The following ABCA2 variants were observed in gnomAD, a reference collection of about 807,000 sequenced individuals.
The protein encoded by ABCA2 is ATP binding cassette subfamily A member 2, also known as ATP-binding cassette sub-family A member 2.
Under a neutral mutation model 262.8 loss-of-function variants are expected in ABCA2, and 84 were observed. That is an observed-to-expected ratio of 0.32 (90% CI 0.27 to 0.38). The LOEUF is 0.38. ABCA2 is among the 10% of genes least tolerant of loss of function. ABCA2 has a pLI of 1.00. For missense variants in ABCA2, 2,662 were observed against 3,405.9 expected (o/e 0.78, Z 5.44); for synonymous variants, 1,696 against 1,502.9 (o/e 1.13, Z -2.97).
rs1415548460 is a variant in ABCA2 at position 137,024,177 on chromosome 9, C to T, written c.126G>A (p.Leu42=). The change falls in exon 2 of 49, where the codon CTG becomes CTA. Residue 42 remains leucine (L), a synonymous_variant. Transcript: ENST00000341511. The part of the protein sequence containing the change: ...PLVLFFILLG[L]RQKKPTISVK... ...CGGAGATGGTGGGCTTCTTCTGTCGCAGCCCCAGCAGGATAAAGAACAGCA... is the reference window on the plus strand; with the variant it reads ...CGGAGATGGTGGGCTTCTTCTGTCGTAGCCCCAGCAGGATAAAGAACAGCA... 3 of 1,611,986 alleles carry T rather than the reference C, an allele frequency of 1.9e-6. No individual in the cohort carries two copies. The highest frequency in any genetic ancestry group is 4.5e-5 in the East Asian group (2 of 44,870).
In ABCA2 at chr9:137,024,290, C is replaced by T. The variant is rs879059165; in HGVS notation, c.67-54G>A. 136 of 1,457,992 alleles carry T rather than the reference C, an allele frequency of 9.3e-5. 1 individual carries two copies. The South Asian group carries it at 1.0e-3, about 11-fold the overall frequency. The allele number at this position is 1,457,992 out of a possible 1,614,324, so 90.3% of individuals were successfully genotyped here. ...GGACAGACCTGTGCTCGCCTAGGCC[C>T]TCCCCAGCCTCCCATAGGGCTGGCC... On this transcript the variant is annotated intron_variant, in intron 1 of 48. Transcript: ENST00000341511.
intron 14 of ABCA2, 32 bp from the exon 15 acceptor site, chr9:137,018,107 C>A: frequency 6.2e-7 from 1 of 1,610,036 alleles, no homozygotes; most frequent in Non-Finnish European, 8.5e-7. Flanking sequence ...AGGTGCCGGG[C>A]AGGCCCTCTC....
chr9:137,008,900 G>GCCC (rs59031144), intron 46 of ABCA2, 32 bp from the exon 47 acceptor site: 12 of 1,556,376 alleles, frequency 7.7e-6, no homozygotes, highest in African/African-American at 4.2e-5. Flanking sequence ...GCCTGGCAGC[G>GCCC]CCCCCCCACC....
chr9:137,012,528 G>A lies in ABCA2; in HGVS notation c.5144C>T (p.Ala1715Val). 3 of 1,611,970 alleles carry A rather than the reference G, an allele frequency of 1.9e-6. No homozygotes were observed. Among genetic ancestry groups the A allele is most frequent in the Non-Finnish European group, 8.5e-7 (1 of 1,179,886 alleles). Residue 1715 changes from alanine (A) to valine (V), a missense_variant, in exon 32 of 49, where the codon GCC (alanine) becomes GTC (valine). Around this residue, in one of 12 missense-constraint regions of ABCA2, gnomAD observed 602 missense variants for 897.4 expected, o/e 0.67. Coordinates refer to ENST00000341511, the MANE Select transcript of ABCA2 (RefSeq NM_001606.5). ...CGCGATCTTCCGCACCATGGGTGGG[G>A]CCCTGGTGCCAAATGAGGCTGGGAT... The part of the protein sequence containing the change: ...KSIPASFGTR[A>V]PPMVRKIAVR...
At position 137,020,955 on chromosome 9, in the gene ABCA2, T is replaced by C. The variant is rs1831432726; in HGVS notation, c.1004A>G (p.Gln335Arg). The change falls in exon 9 of 49, where the codon CAG becomes CGG. Residue 335 changes from glutamine to arginine, a missense_variant. By Grantham distance (43) the Gln-to-Arg change is conservative (BLOSUM62 1). Coordinates refer to ENST00000341511, the MANE Select transcript of ABCA2 (RefSeq NM_001606.5). ...CAGGGCCGACAGGACATCCACATCC[T>C]GCAGAACCTTCTGGGCATCCAGCAG... Reference protein sequence around the residue: ...GDLLDAQKVLQDVDVLSALAL... With the variant: ...GDLLDAQKVLRDVDVLSALAL... 2 of 1,561,868 alleles carry C rather than the reference T, an allele frequency of 1.3e-6. No individual in the cohort carries two copies. The highest frequency in any genetic ancestry group is 2.7e-5 in the African/African-American group (2 of 74,182).
intron 9 of ABCA2, 50 bp from the exon 10 acceptor site, chr9:137,020,545 C>T (rs767508103): frequency 1.1e-5 from 17 of 1,547,622 alleles, no homozygotes; most frequent in African/African-American, 6.8e-5. Context: ...GGCAGGGCCG[C>T]GAGAGTGGGA....
In ABCA2 at chr9:137,020,983, C is replaced by T. The variant is rs1461965393; in HGVS notation, c.976G>A (p.Asp326Asn). The T allele has an allele frequency of 5.9e-6, 9 of 1,529,450 alleles. No individual in the cohort carries two copies. The highest frequency in any genetic ancestry group is 7.0e-6 in the Non-Finnish European group (8 of 1,137,324). 94.7% of individuals were successfully genotyped at this position (1,529,450 alleles called of 1,614,324 possible). Reference protein sequence around the residue: ...PPRRLQALLGDLLDAQKVLQD... With the variant: ...PPRRLQALLGNLLDAQKVLQD... ...AGAACCTTCTGGGCATCCAGCAGGT[C>T]CCCCAGAAGCGCCTGCAGCCTCCGT... is the stretch of plus-strand genomic sequence containing the variant. The change falls in exon 9 of 49, where the codon GAC (aspartate) becomes AAC (asparagine). Residue 326 changes from aspartate to asparagine, a missense_variant. Asp to Asn is a conservative substitution (Grantham distance 23). Around this residue, in one of 12 missense-constraint regions of ABCA2, gnomAD observed 403 missense variants for 375.9 expected, o/e 1.07. Coordinates refer to ENST00000341511, the MANE Select transcript of ABCA2 (RefSeq NM_001606.5).
At position 137,008,847 on chromosome 9, in the gene ABCA2, GCAC is replaced by G. The variant is rs750062304; in HGVS notation, c.6949_6951del (p.Val2317del). The G allele has an allele frequency of 1.2e-6, 2 of 1,604,966 alleles. No homozygotes were observed. ...ATGTGCTCCGACTTGAGCTGGTACTGCACCTTTGTGTGGTGCCGCTCCTGCAGG... is the reference window on the plus strand; with the variant it reads ...ATGTGCTCCGACTTGAGCTGGTACTGCTTTGTGTGGTGCCGCTCCTGCAGG... On this transcript the variant is annotated inframe_deletion, in exon 47 of 49. Coordinates refer to ENST00000341511, the MANE Select transcript of ABCA2 (RefSeq NM_001606.5).
intron 2 of ABCA2, 130 bp from the exon 3 acceptor site, chr9:137,023,970 C>A (rs1422737934): frequency 2.6e-6 from 4 of 1,532,246 alleles, no homozygotes; most frequent in African/African-American, 1.4e-5. Context: ...ACAGGCCAGC[C>A]CCGACCTCCA....
At chr9:137,008,900 G>GCCCCCCCCCCCCCCGATCGC in intron 46 of ABCA2, 32 bp from the exon 47 acceptor site, 1 of 1,555,278 alleles carries the variant, frequency 6.4e-7, no homozygotes, top group Non-Finnish European at 8.7e-7. Flanking sequence ...GCCTGGCAGC[G>GCCCCCCCCCCCCCCGATCGC]CCCCCCCACC....
At chr9:137,024,293 C>T in intron 1 of ABCA2, 57 bp from the exon 2 acceptor site, 1 of 1,453,188 alleles carries the variant, frequency 6.9e-7, no homozygotes, top group Non-Finnish European at 9.3e-7. Context: ...CTAGGCCCTC[C>T]CCAGCCTCCC....
chr9:137,016,362 C>T lies in ABCA2; in HGVS notation c.3033G>A (p.Leu1011=), dbSNP rs751950962. The T allele has an allele frequency of 3.7e-6, 6 of 1,612,948 alleles. No homozygotes were observed. Among genetic ancestry groups the T allele is most frequent in the Non-Finnish European group, 5.1e-6 (6 of 1,180,002 alleles). ...CCTGGTTCTCGTAGAGGTTCAGGCT[C>T]AGCTTGTTCAGGGCCAGCTTCTTGT... is the stretch of plus-strand genomic sequence containing the variant. The part of the protein sequence containing the change: ...KDDKKLALNK[L]SLNLYENQVV... Residue 1011 remains leucine, a synonymous_variant, in exon 21 of 49, where the codon CTG becomes CTA. Transcript: ENST00000341511.
intron 1 of ABCA2, among the ~76,000 whole-genome samples, chr9:137,024,510 C>G (rs1831585350): frequency 6.6e-6 from 1 of 152,218 alleles, no homozygotes; most frequent in East Asian, 1.9e-4. Flanking sequence ...AGGGACAAAT[C>G]GGCCAGCTTG....
chr9:137,011,838 G>T lies in ABCA2; in HGVS notation c.5535+6C>A. On this transcript the variant is annotated splice_donor_region_variant and intron_variant, in intron 35 of 48. Transcript: ENST00000341511. The surrounding 1 kb of genome is among the most constrained non-coding windows in gnomAD (Gnocchi z 8.8). Reference sequence around the variant, plus strand: ...CCGGGGCACCCCATGGCCACGCCGGGCGCACCATGTCCCACACGTAGTTCG... The same window carrying T: ...CCGGGGCACCCCATGGCCACGCCGGTCGCACCATGTCCCACACGTAGTTCG... The T allele has an allele frequency of 6.3e-7, 1 of 1,576,644 alleles. No homozygotes were observed. Among genetic ancestry groups the T allele is most frequent in the Non-Finnish European group, 8.6e-7 (1 of 1,162,348 alleles).
chr9:137,028,357 CGCGCCCGCCAGGAG>C, upstream of ABCA2: 5 of 838,332 alleles, frequency 6.0e-6, no homozygotes, highest in Non-Finnish European at 7.2e-6. This position sits in a 1 kb window ranked among gnomAD's most constrained non-coding sequence, Gnocchi z 6.9. Context: ...GCGCTCCGTC[CGCGCCCGCCAGGAG>C]GCGCCCGCCG....
At chr9:137,008,670 G>A (rs1397899003) in intron 47 of ABCA2, 48 bp from the exon 48 acceptor site, 4 of 1,564,622 alleles carry the variant, frequency 2.6e-6, no homozygotes, top group South Asian at 2.3e-5. Context: ...CTGGGGTGAG[G>A]AGGGGCAGGG....
Position 137,012,940 on chromosome 9 carries a change from T to C in ABCA2, c.4868-15A>G. ...CGTCCACATTTCTGTGGGCACAGCA[T>C]GGTGCGGTGAGAAGGACCCCTCACT... On this transcript the variant is annotated splice_polypyrimidine_tract_variant and intron_variant, in intron 30 of 48. Transcript: ENST00000341511. 2 of 1,496,484 alleles carry C rather than the reference T, an allele frequency of 1.3e-6. No individual in the cohort carries two copies. Among genetic ancestry groups the C allele is most frequent in the Non-Finnish European group, 1.8e-6 (2 of 1,121,128 alleles). 92.7% of individuals were successfully genotyped at this position (1,496,484 alleles called of 1,614,324 possible). A position where few individuals can be genotyped will look rare whatever the true frequency, so the allele number is the denominator to read the frequency against.
In ABCA2 at chr9:137,009,352, G is replaced by GCCCC; in HGVS notation, c.6827+17_6827+18insGGGG. On this transcript the variant is annotated intron_variant, in intron 45 of 48. Transcript: ENST00000341511. ...CCCGGGCCCGCCCCAGCCCACCCCT[G>GCCCC]GCCCTGCCCCGGCTCACCGGTTCTT... 2.0e-6 allele frequency: 1 copy of GCCCC among 496,538 alleles called. No individual in the cohort carries two copies. The highest frequency in any genetic ancestry group is 3.5e-6 in the Non-Finnish European group (1 of 288,106). 30.8% of individuals were successfully genotyped at this position (496,538 alleles called of 1,614,324 possible).
rs577793792 is a variant in ABCA2 at position 137,014,359 on chromosome 9, G to A, written c.4049C>T (p.Pro1350Leu). 39 of 1,599,398 alleles carry A rather than the reference G, an allele frequency of 2.4e-5. No individual in the cohort carries two copies. In the Admixed American group the frequency reaches 3.4e-4, roughly 14 times the overall value. Residue 1350 changes from proline (P) to leucine (L), a missense_variant, in exon 27 of 49, where the codon CCG (proline) becomes CTG (leucine). Around this residue, in one of 12 missense-constraint regions of ABCA2, gnomAD observed 297 missense variants for 286.5 expected, o/e 1.04. Coordinates refer to ENST00000341511, the MANE Select transcript of ABCA2 (RefSeq NM_001606.5). ...GCCAGCGTGACCCTCCCCAGACGCC[G>A]GGCCCTCCGCCCCAGGGAGCACATC... ...RKDVLPGAEG[P>L]ASGEGHAGNL... is the part of the protein sequence containing the mutation.
Sources: gnomAD v4.1 joint callset for allele counts (sites outside exome capture counted in the v4.1 genomes callset) on GRCh38, gnomAD v4.1.1 for gene constraint, gnomAD v4.1.1 regional missense constraint, Gnocchi (gnomAD v3.1) non-coding constraint, MANE v1.5 for transcripts, NCBI Gene and HGNC (gene_info 2026-07-23, HGNC 2026-07-21) for gene names.